The following CRHR1 variants were observed in gnomAD, a reference collection of about 807,000 sequenced individuals.
CRHR1 encodes corticotropin-releasing hormone receptor 1.
CRHR1 carries 28 observed loss-of-function variants against 56.0 expected under a neutral mutation model. That is an observed-to-expected ratio of 0.50 (90% CI 0.37 to 0.69). CRHR1 has a LOEUF of 0.69. Ranked by LOEUF, CRHR1 falls within the 30% of genes least tolerant of loss-of-function variation. The pLI is 0.00. For synonymous variants in CRHR1, 195 were observed against 216.5 expected (o/e 0.90, Z 0.87); for missense variants, 376 against 548.0 (o/e 0.69, Z 3.13).
chr17:45,815,183 G>A (rs1022326520), intron 2 of CRHR1, among the ~76,000 whole-genome samples: 4 of 152,234 alleles, frequency 2.6e-5, no homozygotes, highest in African/African-American at 7.2e-5. Context: ...CTGGCCCTCC[G>A]TGGCTTGTCT....
intron 2 of CRHR1, among the ~76,000 whole-genome samples, chr17:45,814,737 A>C (rs1223838164): frequency 3.3e-5 from 5 of 150,580 alleles, no homozygotes; most frequent in African/African-American, 7.4e-5. Flanking sequence ...CTGCTTCCTC[A>C]CTCCACTGCT....
intron 4 of CRHR1, among the ~76,000 whole-genome samples, chr17:45,828,886 G>A (rs1186242039): frequency 2.0e-5 from 3 of 152,198 alleles, no homozygotes; most frequent in African/African-American, 2.4e-5. Flanking sequence ...GGGTAGATGC[G>A]AGTGTGAGGG....
At chr17:45,808,727 C>T (rs1057136118) in intron 2 of CRHR1, among the ~76,000 whole-genome samples, 1 of 152,228 alleles carries the variant, frequency 6.6e-6, no homozygotes, top group Admixed American at 6.5e-5. Flanking sequence ...TAGTTTAGTG[C>T]AGCCTCGATC....
rs1306374053 is a variant in CRHR1 at position 45,811,707 on chromosome 17, CT to C, written c.121+4613del. Among the ~76,000 whole-genome samples the C allele has an allele frequency of 9.8e-5, 15 of 152,364 alleles. No homozygotes were observed. In the East Asian group the frequency reaches 2.9e-3, roughly 29 times the overall value. On this transcript the variant is annotated intron_variant, in intron 2 of 12. Transcript: ENST00000314537. ...CTTGCAGTTGCCTCTGCTGAGAACACTTTCCCCGCAGGTTTTCTCCCTCACT... is the reference window on the plus strand; with the variant it reads ...CTTGCAGTTGCCTCTGCTGAGAACACTTCCCCGCAGGTTTTCTCCCTCACT...
chr17:45,802,247 C>T (rs1322555742), intron 1 of CRHR1, among the ~76,000 whole-genome samples: 1 of 152,162 alleles, frequency 6.6e-6, no homozygotes, highest in Non-Finnish European at 1.5e-5. Flanking sequence ...ATTGCTTGAA[C>T]CCAGGAGACA....
chr17:45,829,594 T>A, intron 5 of CRHR1: 1 of 1,550,904 alleles, frequency 6.4e-7, no homozygotes, highest in Non-Finnish European at 8.7e-7. Flanking sequence ...ACCAGGCAGA[T>A]GGAGCCCTGG....
intron 1 of CRHR1, among the ~76,000 whole-genome samples, chr17:45,792,503 C>G (rs896590930): frequency 7.2e-5 from 11 of 152,162 alleles, no homozygotes. Flanking sequence ...GCACTGTTCT[C>G]CTTCCTCCCC....
intron 9 of CRHR1, 103 bp from the exon 10 acceptor site, chr17:45,833,349 C>A (rs1732836537): frequency 1.4e-6 from 2 of 1,453,102 alleles, no homozygotes; most frequent in Non-Finnish European, 1.9e-6. Flanking sequence ...TGCAGGTGCT[C>A]ATGAGGAGGA....
intron 1 of CRHR1, among the ~76,000 whole-genome samples, chr17:45,803,755 T>C (rs1162746931): frequency 1.2e-5 from 1 of 85,830 alleles, no homozygotes; most frequent in Non-Finnish European, 2.6e-5. Flanking sequence ...AGAGAGAGAG[T>C]GCGTGTGTGT....
At chr17:45,807,563 G>T (rs1275913585) in intron 2 of CRHR1, among the ~76,000 whole-genome samples, 1 of 152,202 alleles carries the variant, frequency 6.6e-6, no homozygotes, top group Non-Finnish European at 1.5e-5. Context: ...AACCCAATTT[G>T]CACAATGTCC....
chr17:45,784,630 A>G lies in CRHR1; in HGVS notation c.33+53A>G. ...CGCTGGCGCCCCCGGCCCCTGGCGG[A>G]CGCGGGACGGGGCTGGGCTGTGGGT... On this transcript the variant is annotated intron_variant, in intron 1 of 12. Coordinates refer to ENST00000314537, the MANE Select transcript of CRHR1 (RefSeq NM_004382.5). This position sits in a 1 kb window ranked among gnomAD's most constrained non-coding sequence, Gnocchi z 4.2. 1 of 1,518,862 alleles carries G rather than the reference A, an allele frequency of 6.6e-7. No individual in the cohort carries two copies. The highest frequency in any genetic ancestry group is 2.6e-5 in the East Asian group (1 of 38,096). The allele number at this position is 1,518,862 out of a possible 1,614,324, so 94.1% of individuals were successfully genotyped here.
At chr17:45,815,380 T>C (rs1255716641) in intron 2 of CRHR1, among the ~76,000 whole-genome samples, 4 of 152,176 alleles carry the variant, frequency 2.6e-5, no homozygotes, top group African/African-American at 9.6e-5. Context: ...TCCTGAAGTG[T>C]CACTGGGCCT....
chr17:45,806,604 G>T (rs988817725), intron 1 of CRHR1, among the ~76,000 whole-genome samples: 3 of 152,224 alleles, frequency 2.0e-5, no homozygotes, highest in African/African-American at 7.2e-5. Flanking sequence ...TCAGCGGGCC[G>T]GTGGGAGGGT....
intron 1 of CRHR1, among the ~76,000 whole-genome samples, chr17:45,794,552 C>T (rs544468448): frequency 3.0e-4 from 45 of 152,280 alleles, no homozygotes; most frequent in Non-Finnish European, 4.9e-4. Flanking sequence ...CAAGGCTGGG[C>T]GACGGAAGAA....
chr17:45,801,746 T>A (rs781219919), intron 1 of CRHR1, among the ~76,000 whole-genome samples: 5 of 152,216 alleles, frequency 3.3e-5, no homozygotes, highest in Non-Finnish European at 7.3e-5. Flanking sequence ...TGGCTGGGAC[T>A]GGTGATGGAG....
At chr17:45,814,393 A>C (rs1266081220) in intron 2 of CRHR1, among the ~76,000 whole-genome samples, 1 of 152,200 alleles carries the variant, frequency 6.6e-6, no homozygotes, top group Non-Finnish European at 1.5e-5. Context: ...GGCGTAATGG[A>C]AAGAGCACTA....
chr17:45,819,507 G>A (rs1166997741), intron 3 of CRHR1, among the ~76,000 whole-genome samples: 1 of 151,700 alleles, frequency 6.6e-6, no homozygotes, highest in Non-Finnish European at 1.5e-5. Flanking sequence ...TATCCCTGGA[G>A]GTATTTCAGA....
intron 2 of CRHR1, among the ~76,000 whole-genome samples, chr17:45,809,446 C>T (rs1303946661): frequency 1.3e-5 from 2 of 152,188 alleles, no homozygotes; most frequent in Non-Finnish European, 1.5e-5. Flanking sequence ...GGAGGAGAGA[C>T]ATCCCTGAGC....
At chr17:45,833,901 A>G in intron 11 of CRHR1, 52 bp downstream of exon 11, 1 of 1,612,472 alleles carries the variant, frequency 6.2e-7, no homozygotes. Context: ...GATTCTGCCA[A>G]GCAGAGGCCT....
Sources: gnomAD v4.1 joint callset for allele counts (sites outside exome capture counted in the v4.1 genomes callset) on GRCh38, gnomAD v4.1.1 for gene constraint, Gnocchi (gnomAD v3.1) non-coding constraint, MANE v1.5 for transcripts, NCBI Gene and HGNC (gene_info 2026-07-23, HGNC 2026-07-21) for gene names.